The following CPSF1 variants were observed in gnomAD, a reference collection of about 807,000 sequenced individuals.
The protein encoded by CPSF1 is cleavage and polyadenylation specificity factor subunit 1.
In CPSF1, 106 loss-of-function variants were observed where a neutral mutation model predicts 175.8. The ratio of observed to expected loss-of-function variants is 0.60; its 90% confidence interval spans 0.52 to 0.71. The LOEUF (loss-of-function observed/expected upper bound fraction) is 0.71. Among genes scored for constraint, CPSF1 ranks in the 30% least tolerant of loss-of-function variants. The pLI, the probability that CPSF1 is intolerant of heterozygous loss-of-function variation, is 0.00. For missense variants in CPSF1, 1,734 were observed against 2,022.9 expected (o/e 0.86, Z 2.74); for synonymous variants, 1,024 against 858.3 (o/e 1.19, Z -3.37).
At chr8:144,408,840 C>T (rs2116912021) in intron 2 of CPSF1, among the ~76,000 whole-genome samples, 175 bp downstream of exon 2, 2 of 152,340 alleles carry the variant, frequency 1.3e-5, no homozygotes, top group East Asian at 3.9e-4. Context: ...AGGGTAGCAG[C>T]TGTGAGAAAG....
chr8:144,409,050 G>C lies in CPSF1; in HGVS notation c.109C>G (p.Gln37Glu). Residue 37 changes from glutamine (Q) to glutamate (E), a missense_variant, in exon 2 of 38, where the codon CAG (glutamine) becomes GAG (glutamate). By Grantham distance (29) the Gln-to-Glu change is conservative. This residue lies in a region of CPSF1 where 126 missense variants were observed against 117.9 expected (regional missense o/e 1.07). Transcript: ENST00000616140. Reference protein sequence around the residue: ...ERNLVVAGTSQLYVYRLNRDA... With the variant: ...ERNLVVAGTSELYVYRLNRDA... ...CGGTTGAGGCGGTACACGTAGAGCT[G>C]CGAGGTCCCGGCCACTACCAGGTTG... 1 of 1,613,682 alleles carries C rather than the reference G, an allele frequency of 6.2e-7. No homozygotes were observed. The highest frequency in any genetic ancestry group is 8.5e-7 in the Non-Finnish European group (1 of 1,179,896).
Position 144,399,196 on chromosome 8 carries a change from C to T in CPSF1, c.1399G>A (p.Asp467Asn), listed in dbSNP as rs1363137041. 6 of 1,609,376 alleles carry T rather than the reference C, an allele frequency of 3.7e-6. No homozygotes were observed. The highest frequency in any genetic ancestry group is 5.1e-6 in the Non-Finnish European group (6 of 1,178,596). Reference protein sequence around the residue: ...QLATYSFEVCDSILNIGPCAN... With the variant: ...QLATYSFEVCNSILNIGPCAN... ...CAGGGTCCAATGTTCAGGATGCTGT[C>T]ACACACCTGCGGCACAGCAAGAGTC... The change falls in exon 15 of 38, where the codon GAC (aspartate) becomes AAC (asparagine). Residue 467 changes from aspartate to asparagine, a missense_variant. By Grantham distance (23) the Asp-to-Asn change is conservative. Transcript: ENST00000616140. This position sits in a 1 kb window ranked among gnomAD's most constrained non-coding sequence, Gnocchi z 6.4.
intron 26 of CPSF1, 117 bp from the exon 27 acceptor site, chr8:144,395,668 G>C (rs1221827905): frequency 2.4e-6 from 2 of 818,794 alleles, no homozygotes; most frequent in Non-Finnish European, 4.0e-6. Context: ...GCAGGGGTGG[G>C]TGAGGGGCAG....
chr8:144,398,160 C>T, intron 19 of CPSF1, 28 bp from the exon 20 acceptor site: 2 of 1,386,830 alleles, frequency 1.4e-6, no homozygotes, highest in Admixed American at 2.3e-5. Context: ...TCAGCATGCG[C>T]CTCCCCACCA....
At position 144,397,317 on chromosome 8, in the gene CPSF1, T is replaced by C. The variant is rs1820835209; in HGVS notation, c.2482A>G (p.Thr828Ala). Residue 828 changes from threonine to alanine, a missense_variant, in exon 23 of 38, where the codon ACA becomes GCA. Physicochemically the swap from Thr to Ala is moderately conservative, Grantham distance 58 (BLOSUM62 0). Transcript: ENST00000616140. ...LVDSSFGQPT[T>A]QGEARREEAT... is the part of the protein sequence containing the mutation. ...TCCTCCCTGCGGGCCTCGCCCTGTG[T>C]AGTGGGCTGTCCAAAGGAGCTGTCC... is the stretch of plus-strand genomic sequence containing the variant. The C allele has an allele frequency of 6.4e-7, 1 of 1,554,734 alleles. No homozygotes were observed. The highest frequency in any genetic ancestry group is 8.7e-7 in the Non-Finnish European group (1 of 1,149,624).
intron 2 of CPSF1, among the ~76,000 whole-genome samples, chr8:144,404,864 G>A (rs1311012422): frequency 1.3e-5 from 2 of 151,660 alleles, no homozygotes; most frequent in Non-Finnish European, 2.9e-5. Context: ...AGACCATCCT[G>A]GCTAACACGG....
At position 144,398,512 on chromosome 8, in the gene CPSF1, C is replaced by T. The variant is rs1265879889; in HGVS notation, c.1752+13G>A. ...CCAGCCCCAGGTCCCAGGTCCCAGG[C>T]CCTGCCCCTCACCATGGTGGAGTCT... On this transcript the variant is annotated intron_variant, in intron 18 of 37. Transcript: ENST00000616140. 3.8e-6 allele frequency: 6 copies of T among 1,584,792 alleles called. No individual in the cohort carries two copies. Among genetic ancestry groups the T allele is most frequent in the Non-Finnish European group, 5.1e-6 (6 of 1,167,190 alleles).
Position 144,397,836 on chromosome 8 carries a change from C to T in CPSF1, c.2117G>A (p.Gly706Asp), listed in dbSNP as rs1554864620. ...ITLCLYRDLS[G>D]MFTTESRLGG... Reference sequence around the variant, plus strand: ...CAGGCGGCTCTCAGTGGTGAACATGCCGCTGAGGTCTCGGTACAGGCACAG... The same window carrying T: ...CAGGCGGCTCTCAGTGGTGAACATGTCGCTGAGGTCTCGGTACAGGCACAG... The change falls in exon 21 of 38, where the codon GGC becomes GAC. Residue 706 changes from glycine to aspartate, a missense_variant. Around this residue, in one of 10 missense-constraint regions of CPSF1, gnomAD observed 585 missense variants for 584.7 expected, o/e 1.00. Transcript: ENST00000616140. 1 of 1,611,146 alleles carries T rather than the reference C, an allele frequency of 6.2e-7. No individual in the cohort carries two copies. Among genetic ancestry groups the T allele is most frequent in the South Asian group, 1.1e-5 (1 of 91,056 alleles).
At chr8:144,406,495 C>T (rs1821505335) in intron 2 of CPSF1, among the ~76,000 whole-genome samples, 2 of 152,234 alleles carry the variant, frequency 1.3e-5, no homozygotes, top group African/African-American at 4.8e-5. Context: ...GGCCTCTCAT[C>T]TCCCCAATCT....
At chr8:144,400,135 G>GGGGGGGGGGGCCCCCCCCCCCCC in intron 9 of CPSF1, 31 bp downstream of exon 9, 1 of 896,012 alleles carries the variant, frequency 1.1e-6, no homozygotes, top group Non-Finnish European at 1.6e-6. Context: ...CCGTCCCCGG[G>GGGGGGGGGGGCCCCCCCCCCCCC]CCCCCCCCGC....
Position 144,400,940 on chromosome 8 carries a change from C to T in CPSF1, c.523G>A (p.Gly175Arg). The T allele has an allele frequency of 6.2e-7, 1 of 1,605,098 alleles. No homozygotes were observed. The highest frequency in any genetic ancestry group is 8.5e-7 in the Non-Finnish European group (1 of 1,175,020). Residue 175 changes from glycine to arginine, a missense_variant, in exon 6 of 38, where the codon GGG becomes AGG. Around this residue, in one of 10 missense-constraint regions of CPSF1, gnomAD observed 122 missense variants for 177.2 expected, o/e 0.69. Transcript: ENST00000616140. Reference sequence around the variant, plus strand: ...GGCACTCACCCCTCACCCACGAGCCCCTCGTGCTCCTCAGCCAGGCTCTCC... The same window carrying T: ...GGCACTCACCCCTCACCCACGAGCCTCTCGTGCTCCTCAGCCAGGCTCTCC... Reference protein sequence around the residue: ...RRESLAEEHEGLVGEGQRSSF... With the variant: ...RRESLAEEHERLVGEGQRSSF...
In CPSF1 at chr8:144,395,427, G is replaced by A. The variant is rs781815501; in HGVS notation, c.3096+8C>T. On this transcript the variant is annotated splice_region_variant and intron_variant, in intron 27 of 37. Coordinates refer to ENST00000616140, the MANE Select transcript of CPSF1 (RefSeq NM_013291.3). ...AAGGTCCCTGGTGGGGTGGGGGTGG[G>A]GGCAGACCTTAGACTCCACGTGGTA... The A allele has an allele frequency of 6.2e-7, 1 of 1,612,836 alleles. No homozygotes were observed. Among genetic ancestry groups the A allele is most frequent in the East Asian group, 2.2e-5 (1 of 44,870 alleles).
Position 144,409,303 on chromosome 8 carries a change from C to T in CPSF1, c.-29G>A. On this transcript the variant is annotated 5_prime_UTR_variant, in exon 1 of 38. Coordinates refer to ENST00000616140, the MANE Select transcript of CPSF1 (RefSeq NM_013291.3). The stretch of plus-strand genomic sequence containing the variant: ...CGGCCGCCCACCTGGCAGTTGGAGC[C>T]GACTCGAGAGGAACCGGGACAGCAG... 6.0e-6 allele frequency: 4 copies of T among 662,986 alleles called. No homozygotes were observed. Among genetic ancestry groups the T allele is most frequent in the Non-Finnish European group, 8.2e-6 (4 of 485,414 alleles). The allele number at this position is 662,986 out of a possible 1,614,324, so 41.1% of individuals were successfully genotyped here. A position where few individuals can be genotyped will look rare whatever the true frequency, so the allele number is the denominator to read the frequency against.
chr8:144,404,734 G>C (rs2116899534), intron 2 of CPSF1, among the ~76,000 whole-genome samples: 3,542 of 151,520 alleles, frequency 0.023, 108 homozygotes, highest in African/African-American at 0.073. Context: ...CATGTTGGGG[G>C]AAAGGGGACA....
At chr8:144,401,975 G>T (rs1254598656) in intron 2 of CPSF1, among the ~76,000 whole-genome samples, 11 of 152,194 alleles carry the variant, frequency 7.2e-5, no homozygotes, top group African/African-American at 2.7e-4. Flanking sequence ...AGTGCACTCT[G>T]TGTCTGCACA....
intron 27 of CPSF1, 38 bp downstream of exon 27, chr8:144,395,396 GC>G: frequency 6.2e-7 from 1 of 1,612,622 alleles, no homozygotes; most frequent in African/African-American, 1.3e-5. Flanking sequence ...GCCCGGCCAG[GC>G]CCAGAAGGTC....
At chr8:144,395,890 A>C (rs1339509621) in intron 26 of CPSF1, 7 of 459,518 alleles carry the variant, frequency 1.5e-5, no homozygotes, top group African/African-American at 1.4e-4. Context: ...GCCCTCTTTC[A>C]TGGACAGTCC....
Position 144,400,149 on chromosome 8 carries a change from A to G in CPSF1, c.937+17T>C, listed in dbSNP as rs2116872555. The G allele has an allele frequency of 9.7e-5, 30 of 308,510 alleles. No homozygotes were observed. Among genetic ancestry groups the G allele is most frequent in the Admixed American group, 2.2e-4 (3 of 13,682 alleles). The allele number at this position is 308,510 out of a possible 1,614,324, so 19.1% of individuals were successfully genotyped here. ...GCCGTCCCCGGGCCCCCCCCGCCCC[A>G]GCCACCCCACACTCACGAAGCGGGA... On this transcript the variant is annotated intron_variant, in intron 9 of 37. Coordinates refer to ENST00000616140, the MANE Select transcript of CPSF1 (RefSeq NM_013291.3).
rs539044126 is a variant in CPSF1, at chr8:144,393,913, C to T, written c.3985G>A (p.Val1329Met). The stretch of plus-strand genomic sequence containing the variant: ...CACGTGATGTGCTTATTCTCCCACA[C>T]GACCGACTTTTTGCTGAGCCCTTCA... ...ATEGLSKKSV[V>M]WENKHITWFA... is the part of the protein sequence containing the mutation. Residue 1329 changes from valine (V) to methionine (M), a missense_variant, in exon 35 of 38, where the codon GTG becomes ATG. By Grantham distance (21) the Val-to-Met change is conservative. Transcript: ENST00000616140. The T allele has an allele frequency of 1.8e-5, 29 of 1,613,098 alleles. No individual in the cohort carries two copies. The highest frequency in any genetic ancestry group is 3.3e-4 in the Middle Eastern group (2 of 6,060).
Sources: allele counts gnomAD v4.1 joint callset (sites outside exome capture counted in the v4.1 genomes callset), GRCh38; gene constraint gnomAD v4.1.1; regional missense constraint gnomAD v4.1.1; non-coding constraint Gnocchi (gnomAD v3.1); transcripts MANE v1.5; gene names NCBI Gene and HGNC (gene_info 2026-07-23, HGNC 2026-07-21).